Variants in EPS15 observed in about 807,000 individuals in gnomAD.
EPS15 encodes epidermal growth factor receptor pathway substrate 15.
EPS15 carries 72 observed loss-of-function variants against 113.8 expected under a neutral mutation model. The observed-to-expected ratio is 0.63, with a 90% CI of 0.52 to 0.77. The LOEUF (loss-of-function observed/expected upper bound fraction) is 0.77. Ranked by LOEUF, EPS15 falls within the 30% of genes least tolerant of loss-of-function variation. The pLI, the probability that EPS15 is intolerant of heterozygous loss-of-function variation, is 0.00. For missense variants in EPS15, 1,048 were observed against 1,045.8 expected (o/e 1.00, Z -0.03); for synonymous variants, 344 against 363.4 (o/e 0.95, Z 0.61).
rs1007233147 is a variant in EPS15, at chr1:51,491,859, A to ATT, written c.34-10547_34-10546dup. 8.0e-3 allele frequency among the ~76,000 whole-genome samples: 1,039 copies of ATT among 129,792 alleles called. 20 individuals are homozygous for ATT. The highest frequency in any genetic ancestry group is 0.028 in the African/African-American group (944 of 33,390). 85.1% of individuals were successfully genotyped at this position (129,792 alleles called of 152,430 possible). A position where few individuals can be genotyped will look rare whatever the true frequency, so the allele number is the denominator to read the frequency against. ...AGCTCTGTAATTCCCAACTCATTTA[A>ATT]TTTTTTTTTTTTTTTTTTTTTGAGA... On this transcript the variant is annotated intron_variant, in intron 1 of 24. Transcript: ENST00000371733.
intron 13 of EPS15, among the ~76,000 whole-genome samples, chr1:51,413,909 T>C (rs946715292): frequency 6.6e-6 from 1 of 152,040 alleles, no homozygotes; most frequent in Non-Finnish European, 1.5e-5. Flanking sequence ...CCACCACGCC[T>C]GGCTAATTTT....
chr1:51,391,836 G>A (rs537585479), intron 21 of EPS15, among the ~76,000 whole-genome samples: 1 of 152,288 alleles, frequency 6.6e-6, no homozygotes, highest in East Asian at 1.9e-4. Context: ...TGAAGATGTC[G>A]AAGGTGCCAA....
intron 21 of EPS15, among the ~76,000 whole-genome samples, chr1:51,382,606 A>G (rs1646967618): frequency 6.6e-6 from 1 of 151,850 alleles, no homozygotes; most frequent in South Asian, 2.1e-4. Flanking sequence ...TTTAGTAGAG[A>G]TGGGGTTTCA....
chr1:51,472,563 G>GA (rs1655319144), intron 3 of EPS15, among the ~76,000 whole-genome samples: 1 of 152,120 alleles, frequency 6.6e-6, no homozygotes, highest in South Asian at 2.1e-4. Context: ...CCAAGTCTTT[G>GA]AGTGTGTGGC....
At chr1:51,436,236 C>G (rs1016587545) in intron 12 of EPS15, among the ~76,000 whole-genome samples, 1 of 152,088 alleles carries the variant, frequency 6.6e-6, no homozygotes, top group African/African-American at 2.4e-5. Context: ...AAGAAGTGAA[C>G]TGGATTCAGT....
chr1:51,458,453 T>C (rs1011437252), intron 8 of EPS15: 28 of 361,178 alleles, frequency 7.8e-5, no homozygotes, highest in African/African-American at 5.3e-4. Context: ...ATTTTTGTCT[T>C]GGGCCTGAAG....
At chr1:51,368,379 T>C (rs952709151) in intron 21 of EPS15, among the ~76,000 whole-genome samples, 1 of 151,994 alleles carries the variant, frequency 6.6e-6, no homozygotes, top group Non-Finnish European at 1.5e-5. Context: ...GGTGGAAGCA[T>C]AGAGAAATCA....
chr1:51,486,667 A>G (rs903782085), intron 1 of EPS15, among the ~76,000 whole-genome samples: 1 of 152,082 alleles, frequency 6.6e-6, no homozygotes, highest in African/African-American at 2.4e-5. Context: ...TGATATATTT[A>G]TAATTTTCTT....
At chr1:51,448,189 C>A in intron 8 of EPS15, 54 bp from the exon 9 acceptor site, 1 of 1,017,554 alleles carries the variant, frequency 9.8e-7, no homozygotes, top group South Asian at 1.6e-5. Context: ...AACATCCACC[C>A]ACTGAATTGA....
intron 1 of EPS15, among the ~76,000 whole-genome samples, chr1:51,510,106 A>G (rs1290205100): frequency 6.6e-6 from 1 of 152,208 alleles, no homozygotes; most frequent in Non-Finnish European, 1.5e-5. Flanking sequence ...ATCAGGTTGT[A>G]AAGATTATTG....
At chr1:51,477,289 C>T (rs530505675) in intron 2 of EPS15, among the ~76,000 whole-genome samples, 3 of 152,098 alleles carry the variant, frequency 2.0e-5, no homozygotes, top group South Asian at 4.2e-4. Flanking sequence ...TCTGTGGGAT[C>T]GGTGGTGGTA....
intron 1 of EPS15, among the ~76,000 whole-genome samples, chr1:51,512,945 C>T (rs887080595): frequency 2.0e-5 from 3 of 148,786 alleles, no homozygotes; most frequent in African/African-American, 7.5e-5. Context: ...CTAATCATAG[C>T]TCACCTGTAG....
At chr1:51,481,375 G>A in intron 1 of EPS15, 61 bp from the exon 2 acceptor site, 1 of 781,010 alleles carries the variant, frequency 1.3e-6, no homozygotes, top group Admixed American at 2.0e-5. Context: ...AACATATTTG[G>A]CATTCATTCA....
intron 1 of EPS15, among the ~76,000 whole-genome samples, chr1:51,509,190 T>C (rs1476755207): frequency 6.6e-6 from 1 of 151,568 alleles, no homozygotes. Context: ...CTAGTAAATG[T>C]TTTCTGAAAC....
At chr1:51,408,433 TG>T in intron 14 of EPS15, 101 bp from the exon 15 acceptor site, 1 of 884,876 alleles carries the variant, frequency 1.1e-6, no homozygotes, top group Non-Finnish European at 1.8e-6. Context: ...TTTACTATTT[TG>T]GTGTTTTTTT....
intron 21 of EPS15, among the ~76,000 whole-genome samples, chr1:51,386,988 G>A (rs556521248): frequency 4.2e-4 from 64 of 152,176 alleles, no homozygotes; most frequent in Non-Finnish European, 7.6e-4. Flanking sequence ...GATACTCCTC[G>A]AGAAGAGCAA....
chr1:51,400,002 T>G (rs558949869), intron 19 of EPS15, among the ~76,000 whole-genome samples: 1 of 152,308 alleles, frequency 6.6e-6, no homozygotes, highest in African/African-American at 2.4e-5. Context: ...AACATATAAT[T>G]TCAAGGGATC....
Position 51,355,252 on chromosome 1 carries a change from G to C in EPS15, c.*1448C>G. 4.6e-6 allele frequency: 1 copy of C among 219,322 alleles called. No individual in the cohort carries two copies. The highest frequency in any genetic ancestry group is 2.2e-5 in the African/African-American group (1 of 44,606). 13.6% of individuals were successfully genotyped at this position (219,322 alleles called of 1,614,324 possible). A position where few individuals can be genotyped will look rare whatever the true frequency, so the allele number is the denominator to read the frequency against. ...CAAGAAGAAATGAATTGGATATTTT[G>C]GAATTTATTTATAGGCTAGGCAATA... is the stretch of plus-strand genomic sequence containing the variant. On this transcript the variant is annotated 3_prime_UTR_variant, in exon 25 of 25. Coordinates refer to ENST00000371733, the MANE Select transcript of EPS15 (RefSeq NM_001981.3).
At chr1:51,381,861 G>C (rs1450560517) in intron 21 of EPS15, among the ~76,000 whole-genome samples, 1 of 151,984 alleles carries the variant, frequency 6.6e-6, no homozygotes, top group African/African-American at 2.4e-5. Context: ...AAAAAGAAGA[G>C]CTCAAATCAA....
Sources: gnomAD v4.1 joint callset for allele counts (sites outside exome capture counted in the v4.1 genomes callset) on GRCh38, gnomAD v4.1.1 for gene constraint, MANE v1.5 for transcripts, NCBI Gene and HGNC (gene_info 2026-07-23, HGNC 2026-07-21) for gene names.